Variants in ADAMTS3 observed in about 807,000 individuals in gnomAD.
The protein encoded by ADAMTS3 is ADAM metallopeptidase with thrombospondin type 1 motif 3.
In ADAMTS3, 73 loss-of-function variants were observed where a neutral mutation model predicts 129.0. The ratio of observed to expected loss-of-function variants is 0.57; its 90% CI spans 0.47 to 0.69. The LOEUF (loss-of-function observed/expected upper bound fraction) is 0.69, where lower values mean the gene tolerates loss of function less well. ADAMTS3 is among the 30% of genes least tolerant of loss of function. ADAMTS3 has a pLI of 0.00. For synonymous variants in ADAMTS3, 477 were observed against 510.8 expected (o/e 0.93, Z 0.89); for missense variants, 1,457 against 1,514.5 (o/e 0.96, Z 0.63).
chr4:72,453,919 T>TAC (rs1297924521), intron 3 of ADAMTS3, among the ~76,000 whole-genome samples: 20 of 148,762 alleles, frequency 1.3e-4, no homozygotes, highest in African/African-American at 4.9e-4. Flanking sequence ...TATATATATA[T>TAC]GTATACATAG....
At chr4:72,537,417 C>A (rs1169342306) in intron 3 of ADAMTS3, among the ~76,000 whole-genome samples, 1 of 151,270 alleles carries the variant, frequency 6.6e-6, no homozygotes, top group African/African-American at 2.4e-5. Context: ...TTTCATTTTT[C>A]TCTTTTTCTC....
intron 3 of ADAMTS3, among the ~76,000 whole-genome samples, chr4:72,530,294 TATATA>T (rs1470530152): frequency 1.6e-4 from 13 of 83,714 alleles, no homozygotes; most frequent in Non-Finnish European, 2.1e-4. Flanking sequence ...TAACATATAA[TATATA>T]ATATAATTAT....
intron 19 of ADAMTS3, among the ~76,000 whole-genome samples, chr4:72,294,683 C>T (rs887140139): frequency 2.6e-5 from 4 of 152,024 alleles, no homozygotes; most frequent in Non-Finnish European, 4.4e-5. Context: ...AACAAAATGA[C>T]GGTCCTACAA....
At chr4:72,496,950 ACTT>A (rs1405107151) in intron 3 of ADAMTS3, among the ~76,000 whole-genome samples, 2 of 152,064 alleles carry the variant, frequency 1.3e-5, no homozygotes, top group Admixed American at 6.6e-5. Flanking sequence ...ATTTAAAGGA[ACTT>A]CTTCTCTCTC....
At chr4:72,435,301 C>T (rs1324397644) in intron 3 of ADAMTS3, among the ~76,000 whole-genome samples, 4 of 151,648 alleles carry the variant, frequency 2.6e-5, no homozygotes, top group African/African-American at 9.7e-5. Flanking sequence ...ACCACAAAAG[C>T]TCCCAAAATA....
chr4:72,316,799 A>G (rs1190958919), intron 10 of ADAMTS3, among the ~76,000 whole-genome samples: 1 of 152,146 alleles, frequency 6.6e-6, no homozygotes, highest in Non-Finnish European at 1.5e-5. Context: ...TAGGTACAAC[A>G]AAATATCATA....
In ADAMTS3 at chr4:72,489,952, A is replaced by G. The variant is rs183341229; in HGVS notation, c.504+58526T>C. On this transcript the variant is annotated intron_variant, in intron 3 of 21. Transcript: ENST00000286657. ...TTGAGGAGCCTCCATACTGTTTTTC[A>G]TAAGTGCTGCACCATTTACATTCCC... is the stretch of plus-strand genomic sequence containing the variant. 2.4e-4 allele frequency among the ~76,000 whole-genome samples: 37 copies of G among 151,922 alleles called. No homozygotes were observed. In the East Asian group the frequency reaches 4.3e-3, roughly 17 times the overall value.
intron 3 of ADAMTS3, among the ~76,000 whole-genome samples, chr4:72,516,872 T>G (rs1446577183): frequency 3.9e-5 from 6 of 152,080 alleles, no homozygotes; most frequent in Admixed American, 3.9e-4. Context: ...TCCAACACTC[T>G]GTTGAATAGG....
At chr4:72,530,815 TATATTA>T (rs1373993448) in intron 3 of ADAMTS3, among the ~76,000 whole-genome samples, 4 of 119,992 alleles carry the variant, frequency 3.3e-5, no homozygotes, top group African/African-American at 1.3e-4. Context: ...TTATATATTA[TATATTA>T]TATAGATTAT....
intron 4 of ADAMTS3, among the ~76,000 whole-genome samples, chr4:72,389,374 G>A (rs1382487937): frequency 6.6e-6 from 1 of 152,128 alleles, no homozygotes; most frequent in Non-Finnish European, 1.5e-5. Context: ...TAGTGGTGGG[G>A]CTTTAGCCAT....
At chr4:72,346,959 T>C (rs1720302424) in intron 4 of ADAMTS3, among the ~76,000 whole-genome samples, 1 of 152,256 alleles carries the variant, frequency 6.6e-6, no homozygotes, top group South Asian at 2.1e-4. Context: ...ACTTGGTTAA[T>C]AGATGTTCAA....
At chr4:72,306,120 A>T in intron 15 of ADAMTS3, 53 bp from the exon 16 acceptor site, 3 of 1,412,294 alleles carry the variant, frequency 2.1e-6, no homozygotes, top group South Asian at 2.6e-5. Flanking sequence ...CAAAAGCAAC[A>T]ACCATGGTTA....
chr4:72,288,953 CA>C, intron 20 of ADAMTS3, 85 bp from the exon 21 acceptor site: 1 of 764,780 alleles, frequency 1.3e-6, no homozygotes, highest in Non-Finnish European at 2.3e-6. Context: ...CACACACACA[CA>C]CACACACACA....
chr4:72,303,493 T>G (rs1449380177), intron 17 of ADAMTS3, among the ~76,000 whole-genome samples: 1 of 152,032 alleles, frequency 6.6e-6, no homozygotes, highest in Non-Finnish European at 1.5e-5. Context: ...TTCAGATCAT[T>G]GACAGATGAG....
At chr4:72,452,740 T>C (rs1718439634) in intron 3 of ADAMTS3, among the ~76,000 whole-genome samples, 1 of 151,728 alleles carries the variant, frequency 6.6e-6, no homozygotes, top group Non-Finnish European at 1.5e-5. Flanking sequence ...TCCTACAAAT[T>C]GGGCAGGTTC....
chr4:72,516,235 T>G (rs1376351544), intron 3 of ADAMTS3, among the ~76,000 whole-genome samples: 1 of 152,200 alleles, frequency 6.6e-6, no homozygotes, highest in African/African-American at 2.4e-5. Flanking sequence ...TTTTGGTTAC[T>G]GTGGCCTTGT....
intron 3 of ADAMTS3, among the ~76,000 whole-genome samples, chr4:72,467,582 C>T (rs1035835042): frequency 6.6e-6 from 1 of 151,996 alleles, no homozygotes; most frequent in East Asian, 1.9e-4. Context: ...TCCTATTCCA[C>T]CCTGATTTGT....
At chr4:72,468,889 T>G (rs948769042) in intron 3 of ADAMTS3, among the ~76,000 whole-genome samples, 4 of 152,112 alleles carry the variant, frequency 2.6e-5, no homozygotes, top group African/African-American at 9.7e-5. Context: ...TGTTATTTAT[T>G]TTTCATATTT....
intron 17 of ADAMTS3, among the ~76,000 whole-genome samples, chr4:72,298,687 T>C (rs796963155): frequency 6.6e-6 from 1 of 152,004 alleles, no homozygotes; most frequent in South Asian, 2.1e-4. Flanking sequence ...GAGTAAGAGT[T>C]TGTATTATAA....
Sources: allele counts gnomAD v4.1 joint callset (sites outside exome capture counted in the v4.1 genomes callset), GRCh38; gene constraint gnomAD v4.1.1; transcripts MANE v1.5; gene names NCBI Gene and HGNC (gene_info 2026-07-23, HGNC 2026-07-21).